Variants in TEX14 observed in about 807,000 individuals in gnomAD.
TEX14 encodes the protein inactive serine/threonine-protein kinase TEX14.
TEX14 carries 168 observed loss-of-function variants against 178.6 expected under a neutral mutation model. The ratio of observed to expected loss-of-function variants is 0.94; its 90% CI spans 0.83 to 1.07. TEX14 has a LOEUF of 1.07. Among genes scored for constraint, TEX14 ranks in the 50% least tolerant of loss-of-function variants. The pLI, the probability that TEX14 is intolerant of heterozygous loss-of-function variation, is 0.00. For missense variants in TEX14, 1,730 were observed against 1,753.6 expected (o/e 0.99, Z 0.24); for synonymous variants, 626 against 634.1 (o/e 0.99, Z 0.19).
rs1299613342 is a variant in TEX14, at chr17:58,573,304, A to G, written c.3388T>C (p.Leu1130=). The change falls in exon 23 of 32, where the codon TTG becomes CTG. Residue 1130 remains leucine (L), a synonymous_variant. Transcript: ENST00000349033. ...PKELKEKDIS[L]TDIQDLSSIS... is the part of the protein sequence containing the mutation. ...CTAGACAGGTCTTGAATATCCGTCA[A>G]TGATCTAAAGAATTAAGAGCACACA... 4 of 1,613,590 alleles carry G rather than the reference A, an allele frequency of 2.5e-6. No homozygotes were observed. The Admixed American group carries it at 6.7e-5, about 27-fold the overall frequency.
intron 1 of TEX14, among the ~76,000 whole-genome samples, chr17:58,665,404 C>G (rs967838738): frequency 6.6e-6 from 1 of 151,016 alleles, no homozygotes; most frequent in African/African-American, 2.4e-5. Flanking sequence ...AGTTGAAGAT[C>G]AGCCTGACCA....
chr17:58,572,581 G>A (rs1029022147), intron 23 of TEX14, among the ~76,000 whole-genome samples: 14 of 150,992 alleles, frequency 9.3e-5, no homozygotes, highest in Non-Finnish European at 1.9e-4. Context: ...GCAGTGAGCC[G>A]AGATTGCGCC....
chr17:58,657,261 C>T (rs180680982), intron 1 of TEX14, among the ~76,000 whole-genome samples: 6 of 152,124 alleles, frequency 3.9e-5, no homozygotes, highest in East Asian at 3.9e-4. Context: ...TGAGCCACCA[C>T]GCTGGGCCCA....
chr17:58,635,389 C>T (rs1258605725), intron 2 of TEX14, among the ~76,000 whole-genome samples: 1 of 148,164 alleles, frequency 6.7e-6, no homozygotes, highest in Non-Finnish European at 1.5e-5. Context: ...GCTCAGGAGG[C>T]AAAAAATTAA....
intron 1 of TEX14, among the ~76,000 whole-genome samples, chr17:58,689,666 T>C (rs113191244): frequency 6.6e-6 from 1 of 152,174 alleles, no homozygotes; most frequent in African/African-American, 2.4e-5. Context: ...AGATTTTTTT[T>C]GAGAAAAGTG....
chr17:58,647,837 AC>A (rs2046748864), intron 2 of TEX14, among the ~76,000 whole-genome samples: 1 of 152,062 alleles, frequency 6.6e-6, no homozygotes. Context: ...AGCTGGGACT[AC>A]AGGCATGTGC....
At position 58,574,416 on chromosome 17, in the gene TEX14, G is replaced by A. The variant is rs149415860; in HGVS notation, c.3321-167C>T. ...TTCTGTGCCAGGCACGTTGGCTCACGTCTGTAATCCCAGCACTTTGGGAGG... is the reference window on the plus strand; with the variant it reads ...TTCTGTGCCAGGCACGTTGGCTCACATCTGTAATCCCAGCACTTTGGGAGG... On this transcript the variant is annotated intron_variant, in intron 21 of 31. Transcript: ENST00000349033. Among the ~76,000 whole-genome samples, 877 of 152,148 alleles carry A rather than the reference G, an allele frequency of 5.8e-3. 5 individuals carry two copies. Among genetic ancestry groups the A allele is most frequent in the African/African-American group, 9.3e-3 (385 of 41,530 alleles).
At chr17:58,661,692 G>A (rs1263350037) in intron 1 of TEX14, 3 of 596,014 alleles carry the variant, frequency 5.0e-6, no homozygotes, top group Admixed American at 3.1e-5. Flanking sequence ...TCTGAATCGG[G>A]CGCTGCACGG....
At chr17:58,653,762 G>A (rs1366775931) in intron 1 of TEX14, among the ~76,000 whole-genome samples, 1 of 152,204 alleles carries the variant, frequency 6.6e-6, no homozygotes, top group Non-Finnish European at 1.5e-5. Context: ...TGCCCCTTGT[G>A]GGCATTTAAC....
At chr17:58,578,742 G>A (rs2044739916) in intron 20 of TEX14, among the ~76,000 whole-genome samples, 1 of 152,188 alleles carries the variant, frequency 6.6e-6, no homozygotes, top group Non-Finnish European at 1.5e-5. Flanking sequence ...CAAGGCTCTG[G>A]AGACTTTTAA....
rs1051779589 is a variant in TEX14 at position 58,640,747 on chromosome 17, G to A, written c.137-10193C>T. Among the ~76,000 whole-genome samples, 5 of 151,514 alleles carry A rather than the reference G, an allele frequency of 3.3e-5. No homozygotes were observed. In the East Asian group the frequency reaches 7.8e-4, roughly 24 times the overall value. The stretch of plus-strand genomic sequence containing the variant: ...TATTTATTTACTTATTTATTGAGAC[G>A]GTCTTGCTCTGACACCCAGGCTGTA... On this transcript the variant is annotated intron_variant, in intron 2 of 31. Coordinates refer to ENST00000349033, the MANE Select transcript of TEX14 (RefSeq NM_031272.5).
At chr17:58,620,091 G>A (rs529395472) in intron 5 of TEX14, among the ~76,000 whole-genome samples, 2 of 152,212 alleles carry the variant, frequency 1.3e-5, no homozygotes, top group African/African-American at 4.8e-5. Flanking sequence ...TTGGAAAACT[G>A]GAGAAGAACA....
chr17:58,628,947 G>C (rs1410451434), intron 3 of TEX14, among the ~76,000 whole-genome samples: 2 of 151,728 alleles, frequency 1.3e-5, no homozygotes, highest in Non-Finnish European at 2.9e-5. Flanking sequence ...ACATTAAACA[G>C]AGCCTCCTTA....
intron 1 of TEX14, chr17:58,679,605 T>C (rs2047463683): frequency 6.6e-6 from 1 of 152,078 alleles, no homozygotes; most frequent in South Asian, 2.1e-4. Flanking sequence ...ACCACAGGGG[T>C]CAGCACATCC....
At chr17:58,653,545 A>G (rs2046882955) in intron 1 of TEX14, among the ~76,000 whole-genome samples, 1 of 152,184 alleles carries the variant, frequency 6.6e-6, no homozygotes, top group Admixed American at 6.5e-5. Flanking sequence ...TGAATGGATT[A>G]GTGCTATTGT....
chr17:58,679,818 C>T (rs906399755), intron 1 of TEX14: 1 of 152,038 alleles, frequency 6.6e-6, no homozygotes, highest in Admixed American at 6.6e-5. Context: ...CTACAATAAC[C>T]CAGCACCTGT....
chr17:58,570,198 G>A (rs2044489347), intron 25 of TEX14, among the ~76,000 whole-genome samples, 187 bp downstream of exon 25: 1 of 151,934 alleles, frequency 6.6e-6, no homozygotes, highest in Non-Finnish European at 1.5e-5. Flanking sequence ...TTAAAAAAGT[G>A]TATAGTCACC....
chr17:58,686,168 T>G (rs977246628), intron 1 of TEX14, among the ~76,000 whole-genome samples: 1 of 151,980 alleles, frequency 6.6e-6, no homozygotes, highest in Non-Finnish European at 1.5e-5. Flanking sequence ...ACACCTTGTC[T>G]TTACAAAAAT....
chr17:58,659,480 G>A, intron 1 of TEX14: 1 of 216,420 alleles, frequency 4.6e-6, no homozygotes, highest in Middle Eastern at 2.3e-3. Context: ...CGCGAAGAAC[G>A]CACTAGAACC....
Sources: gnomAD v4.1 joint callset for allele counts (sites outside exome capture counted in the v4.1 genomes callset) on GRCh38, gnomAD v4.1.1 for gene constraint, MANE v1.5 for transcripts, NCBI Gene and HGNC (gene_info 2026-07-23, HGNC 2026-07-21) for gene names.